GNAO1: variants seen among roughly 807,000 people sequenced by gnomAD.
GNAO1 encodes the protein G protein subunit alpha o1, also known as guanine nucleotide-binding protein G(o) subunit alpha.
For synonymous variants in GNAO1, 164 were observed against 180.7 expected (o/e 0.91, Z 0.74); for missense variants, 166 against 478.7 (o/e 0.35, Z 6.10).
chr16:56,344,446 A>G (rs745776537), intron 6 of GNAO1: 6 of 1,000,342 alleles, frequency 6.0e-6, no homozygotes, highest in Non-Finnish European at 7.2e-6. Context: ...GGATCAGGCC[A>G]ACTTGGTGTG....
At chr16:56,220,005 A>C (rs1042160785) in intron 2 of GNAO1, among the ~76,000 whole-genome samples, 23 of 152,188 alleles carry the variant, frequency 1.5e-4, no homozygotes, top group Non-Finnish European at 2.9e-5. Context: ...GAACAAAAGG[A>C]GTGGAACCAT....
intron 3 of GNAO1, among the ~76,000 whole-genome samples, chr16:56,297,524 TGTG>T (rs1567473640): frequency 4.1e-5 from 1 of 24,194 alleles, no homozygotes; most frequent in African/African-American, 1.4e-4. Flanking sequence ...GTCTAACTGG[TGTG>T]TGTGTGTGTG....
intron 2 of GNAO1, among the ~76,000 whole-genome samples, chr16:56,231,916 G>A (rs530706200): frequency 6.6e-5 from 10 of 152,222 alleles, no homozygotes; most frequent in Non-Finnish European, 8.8e-5. Flanking sequence ...TGACGATGTC[G>A]TCCCTGTGGC....
At position 56,330,550 on chromosome 16, in the gene GNAO1, G is replaced by A. The variant is rs151237544; in HGVS notation, c.464+1759G>A. Among the ~76,000 whole-genome samples the A allele has an allele frequency of 3.8e-3, 572 of 152,060 alleles. 1 individual carries two copies. The highest frequency in any genetic ancestry group is 4.9e-3 in the Non-Finnish European group (331 of 67,992). On this transcript the variant is annotated intron_variant, in intron 4 of 8. Transcript: ENST00000262493. Reference sequence around the variant, plus strand: ...TCTTCCTACTCCCCCCACCAGCCCTGCCCCTCCCACTTTTACCCACTTCCA... The same window carrying A: ...TCTTCCTACTCCCCCCACCAGCCCTACCCCTCCCACTTTTACCCACTTCCA...
At chr16:56,256,708 C>CTGTGTGTGTG (rs1158339826) in intron 2 of GNAO1, among the ~76,000 whole-genome samples, 1 of 119,398 alleles carries the variant, frequency 8.4e-6, no homozygotes, top group African/African-American at 3.4e-5. Flanking sequence ...CTCTCTCTCT[C>CTGTGTGTGTG]TCTCTCTCTC....
intron 3 of GNAO1, among the ~76,000 whole-genome samples, chr16:56,287,452 A>G (rs1233615181): frequency 6.6e-6 from 1 of 152,224 alleles, no homozygotes; most frequent in Non-Finnish European, 1.5e-5. Context: ...TGGAGATCAT[A>G]ATAATACCTA....
intron 3 of GNAO1, among the ~76,000 whole-genome samples, chr16:56,304,465 A>G (rs1444257514): frequency 6.6e-6 from 1 of 152,204 alleles, no homozygotes; most frequent in African/African-American, 2.4e-5. Context: ...ACTTAACATA[A>G]CACTTTAACA....
chr16:56,238,234 T>G (rs1206673675), intron 2 of GNAO1, among the ~76,000 whole-genome samples: 1 of 152,116 alleles, frequency 6.6e-6, no homozygotes, highest in African/African-American at 2.4e-5. Context: ...TCCCCCAGTC[T>G]GACAGCCTCT....
intron 2 of GNAO1, among the ~76,000 whole-genome samples, chr16:56,245,324 C>T (rs1171055791): frequency 2.6e-5 from 4 of 152,192 alleles, no homozygotes; most frequent in Non-Finnish European, 4.4e-5. Context: ...CTTGGAATCA[C>T]GGCCCTGACG....
intron 2 of GNAO1, among the ~76,000 whole-genome samples, chr16:56,263,953 G>A (rs1302781381): frequency 1.3e-5 from 2 of 152,234 alleles, no homozygotes; most frequent in Non-Finnish European, 2.9e-5. Context: ...TGATGAAATT[G>A]GGGTGGAAGC....
intron 2 of GNAO1, among the ~76,000 whole-genome samples, chr16:56,254,019 A>G (rs1005895497): frequency 5.4e-5 from 8 of 148,400 alleles, no homozygotes; most frequent in African/African-American, 2.0e-4. Context: ...ATGCCCTTCC[A>G]TAAAATTTTT....
chr16:56,241,137 A>G (rs182969899), intron 2 of GNAO1, among the ~76,000 whole-genome samples: 1 of 152,316 alleles, frequency 6.6e-6, no homozygotes, highest in Admixed American at 6.5e-5. Context: ...GTTCTTTGCC[A>G]CAGGCCTTAC....
intron 2 of GNAO1, among the ~76,000 whole-genome samples, chr16:56,224,470 G>A (rs1323991971): frequency 2.0e-5 from 3 of 152,056 alleles, no homozygotes; most frequent in African/African-American, 4.8e-5. Context: ...TGGGGGACTG[G>A]GGTTTTATTT....
At chr16:56,192,844 G>T (rs1302784124) in intron 2 of GNAO1, 7 of 561,164 alleles carry the variant, frequency 1.2e-5, no homozygotes, top group Non-Finnish European at 2.2e-5. Context: ...GGGGGAAGGG[G>T]AGCGCCTGTA....
At chr16:56,254,413 T>G (rs757729981) in intron 2 of GNAO1, among the ~76,000 whole-genome samples, 2 of 152,212 alleles carry the variant, frequency 1.3e-5, no homozygotes, top group Non-Finnish European at 2.9e-5. Flanking sequence ...GTTCCTTTTA[T>G]CATCACAAAC....
In GNAO1 at chr16:56,328,976, G is replaced by A. The variant is rs1596867887; in HGVS notation, c.464+185G>A. The stretch of plus-strand genomic sequence containing the variant: ...AGGGGCCTCTCTTCCTGCACCCCAG[G>A]AGGAGAAAGAGGCCAGAGGAGGCAG... On this transcript the variant is annotated intron_variant, in intron 4 of 8. Coordinates refer to ENST00000262493, the MANE Select transcript of GNAO1 (RefSeq NM_020988.3). 4 of 597,200 alleles carry A rather than the reference G, an allele frequency of 6.7e-6. No homozygotes were observed. The East Asian group carries it at 1.1e-4, about 17-fold the overall frequency. The allele number at this position is 597,200 out of a possible 1,614,324, so 37.0% of individuals were successfully genotyped here.
chr16:56,276,772 G>T (rs1197919743), intron 3 of GNAO1: 1 of 152,206 alleles, frequency 6.6e-6, no homozygotes, highest in Admixed American at 6.5e-5. Flanking sequence ...GAGAGGGAGA[G>T]GAGAAAATAG....
chr16:56,221,952 C>A (rs2036493237), intron 2 of GNAO1, among the ~76,000 whole-genome samples: 2 of 152,122 alleles, frequency 1.3e-5, no homozygotes, highest in South Asian at 4.1e-4. Flanking sequence ...CATCCAACCC[C>A]AGTGCTCTGC....
intron 2 of GNAO1, among the ~76,000 whole-genome samples, chr16:56,270,073 G>A (rs1376434214): frequency 2.6e-5 from 4 of 152,232 alleles, no homozygotes; most frequent in Middle Eastern, 3.4e-3. Context: ...GGAGGTGCGG[G>A]GAGAACCAGG....
Sources: gnomAD v4.1 joint callset for allele counts (sites outside exome capture counted in the v4.1 genomes callset) on GRCh38, gnomAD v4.1.1 for gene constraint, MANE v1.5 for transcripts, NCBI Gene and HGNC (gene_info 2026-07-23, HGNC 2026-07-21) for gene names.